The following SLC30A8 variants were observed in gnomAD, a reference collection of about 807,000 sequenced individuals.
The protein encoded by SLC30A8 is solute carrier family 30 member 8, also known as proton-coupled zinc antiporter SLC30A8.
Under a neutral mutation model 36.9 loss-of-function variants are expected in SLC30A8, and 27 were observed. The ratio of observed to expected loss-of-function variants is 0.73; its 90% CI spans 0.54 to 1.01. The LOEUF is 1.01. Among genes scored for constraint, SLC30A8 ranks in the 50% least tolerant of loss-of-function variants. SLC30A8 has a pLI of 0.00. For missense variants in SLC30A8, 439 were observed against 452.0 expected (o/e 0.97, Z 0.26); for synonymous variants, 164 against 172.4 (o/e 0.95, Z 0.38).
intron 2 of SLC30A8, among the ~76,000 whole-genome samples, chr8:117,069,377 G>T (rs1818260337): frequency 6.6e-6 from 1 of 152,196 alleles, no homozygotes; most frequent in African/African-American, 2.4e-5. Flanking sequence ...TCACCTTACA[G>T]AGCACTTAGC....
chr8:116,957,102 A>T (rs1444590501), intron 1 of SLC30A8, among the ~76,000 whole-genome samples: 1 of 152,170 alleles, frequency 6.6e-6, no homozygotes, highest in Non-Finnish European at 1.5e-5. Flanking sequence ...TTACACATAA[A>T]AAAGTGGCAT....
At chr8:117,022,324 T>A (rs977945481) in intron 1 of SLC30A8, among the ~76,000 whole-genome samples, 1 of 152,230 alleles carries the variant, frequency 6.6e-6, no homozygotes, top group Non-Finnish European at 1.5e-5. Context: ...ATGATTGAAC[T>A]GTATTTACAT....
intron 2 of SLC30A8, among the ~76,000 whole-genome samples, chr8:117,147,884 C>T (rs1821971882): frequency 6.6e-6 from 1 of 152,026 alleles, no homozygotes; most frequent in Non-Finnish European, 1.5e-5. Flanking sequence ...ACTATTTTTG[C>T]ATGCTTATTA....
At chr8:116,995,080 A>C (rs979575539) in intron 1 of SLC30A8, among the ~76,000 whole-genome samples, 3 of 152,062 alleles carry the variant, frequency 2.0e-5, no homozygotes, top group Non-Finnish European at 4.4e-5. Flanking sequence ...ATGCGGTGTA[A>C]ATGTAACATA....
At chr8:117,120,546 C>T (rs1563609799) in intron 2 of SLC30A8, among the ~76,000 whole-genome samples, 1 of 151,712 alleles carries the variant, frequency 6.6e-6, no homozygotes, top group Admixed American at 6.6e-5. Flanking sequence ...TTGGTCTTGG[C>T]AATGATTTGT....
chr8:117,125,224 T>A (rs1820852575), intron 2 of SLC30A8, among the ~76,000 whole-genome samples: 1 of 152,000 alleles, frequency 6.6e-6, no homozygotes, highest in Non-Finnish European at 1.5e-5. Context: ...GATTCTTGAA[T>A]CTAGTCTCCA....
chr8:117,107,069 T>G lies in SLC30A8; in HGVS notation c.-225-28211T>G, dbSNP rs575474099. Among the ~76,000 whole-genome samples, 29 of 152,310 alleles carry G rather than the reference T, an allele frequency of 1.9e-4. No homozygotes were observed. The South Asian group carries it at 5.8e-3, about 30-fold the overall frequency. On this transcript the variant is annotated intron_variant, in intron 2 of 10. Coordinates refer to the SLC30A8 transcript ENST00000427715. Reference sequence around the variant, plus strand: ...CAAAAACAGAGTGAGAAGAGCATCCTAAGAGTTTCTCACAGGACTATTGAT... The same window carrying G: ...CAAAAACAGAGTGAGAAGAGCATCCGAAGAGTTTCTCACAGGACTATTGAT...
chr8:117,032,764 C>T (rs1817095912), intron 1 of SLC30A8, among the ~76,000 whole-genome samples: 1 of 152,004 alleles, frequency 6.6e-6, no homozygotes, highest in Non-Finnish European at 1.5e-5. Flanking sequence ...GTGGTGGGTG[C>T]CTGTAATCTC....
intron 1 of SLC30A8, among the ~76,000 whole-genome samples, chr8:117,034,585 C>A (rs1394226411): frequency 6.6e-6 from 1 of 152,176 alleles, no homozygotes; most frequent in Non-Finnish European, 1.5e-5. Context: ...CTAGAAGGTG[C>A]TAGAGCTGGG....
At chr8:117,070,256 T>G (rs1035084914) in intron 2 of SLC30A8, among the ~76,000 whole-genome samples, 1 of 152,190 alleles carries the variant, frequency 6.6e-6, no homozygotes, top group Non-Finnish European at 1.5e-5. Context: ...CCACTGCTGG[T>G]TTTGCCTGAG....
chr8:117,097,241 T>C (rs1431294567), intron 2 of SLC30A8, among the ~76,000 whole-genome samples: 2 of 148,824 alleles, frequency 1.3e-5, no homozygotes, highest in Admixed American at 1.4e-4. Flanking sequence ...CTACTAAAAA[T>C]ACAAAAAATT....
intron 2 of SLC30A8, among the ~76,000 whole-genome samples, chr8:117,112,002 C>T (rs905085453): frequency 4.6e-5 from 7 of 152,086 alleles, no homozygotes; most frequent in African/African-American, 1.4e-4. Context: ...AAGAAGGCTG[C>T]AGGGACTCAG....
At chr8:117,103,036 C>T (rs1179314984) in intron 2 of SLC30A8, among the ~76,000 whole-genome samples, 1 of 152,026 alleles carries the variant, frequency 6.6e-6, no homozygotes, top group Non-Finnish European at 1.5e-5. Flanking sequence ...ACTCAAAGTC[C>T]AAAATCTTAC....
At chr8:117,097,584 TAATA>T (rs1239584702) in intron 2 of SLC30A8, among the ~76,000 whole-genome samples, 406 of 100,066 alleles carry the variant, frequency 4.1e-3, no homozygotes, top group Middle Eastern at 6.8e-3. Flanking sequence ...TAATTTTAAA[TAATA>T]TATATTATAT....
chr8:117,088,870 C>T (rs551755643), intron 2 of SLC30A8, among the ~76,000 whole-genome samples: 122 of 152,260 alleles, frequency 8.0e-4, no homozygotes, highest in African/African-American at 2.7e-3. Flanking sequence ...TGATATTGCA[C>T]CCAGTGCTGG....
At chr8:116,969,205 G>A (rs1441859935) in intron 1 of SLC30A8, among the ~76,000 whole-genome samples, 1 of 152,036 alleles carries the variant, frequency 6.6e-6, no homozygotes. Context: ...ATCATTTGAG[G>A]TCAGGAGTTC....
intron 1 of SLC30A8, among the ~76,000 whole-genome samples, chr8:117,005,267 A>C (rs781390005): frequency 6.6e-6 from 1 of 150,916 alleles, no homozygotes; most frequent in Non-Finnish European, 1.5e-5. Context: ...AGATTTTCTT[A>C]TTCATTTTCT....
chr8:116,994,316 C>A (rs907785449), intron 1 of SLC30A8, among the ~76,000 whole-genome samples: 2 of 152,058 alleles, frequency 1.3e-5, no homozygotes, highest in African/African-American at 4.8e-5. Flanking sequence ...CTAGACTCAA[C>A]AGAAGAGATT....
chr8:117,070,951 G>A lies in SLC30A8; in HGVS notation c.-226+31693G>A, dbSNP rs556822121. On this transcript the variant is annotated intron_variant, in intron 2 of 10. Coordinates refer to the SLC30A8 transcript ENST00000427715. ...TTTCTTTATCATTTCAGGTGTTGAT[G>A]GACACTTAGGTTGTTTTCATGTCTT... Among the ~76,000 whole-genome samples, 11 of 152,186 alleles carry A rather than the reference G, an allele frequency of 7.2e-5. No individual in the cohort carries two copies. In the East Asian group the frequency reaches 2.1e-3, roughly 29 times the overall value.
Sources: gnomAD v4.1 joint callset for allele counts (sites outside exome capture counted in the v4.1 genomes callset) on GRCh38, gnomAD v4.1.1 for gene constraint, MANE v1.5 for transcripts, NCBI Gene and HGNC (gene_info 2026-07-23, HGNC 2026-07-21) for gene names.